KCNH7: variants seen among roughly 807,000 people sequenced by gnomAD.
KCNH7 encodes potassium voltage-gated channel subfamily H member 7.
A neutral mutation model predicts 120.8 loss-of-function variants in KCNH7; 49 were observed. The ratio of observed to expected loss-of-function variants is 0.41; its 90% CI spans 0.32 to 0.51. The LOEUF is 0.51. Among genes scored for constraint, KCNH7 ranks in the 20% least tolerant of loss-of-function variants. The probability of loss-of-function intolerance (pLI) is 0.38; values close to 1 mark genes in which losing one functional copy is unlikely to be tolerated. For missense variants in KCNH7, 1,097 were observed against 1,446.6 expected (o/e 0.76, Z 3.92); for synonymous variants, 547 against 516.1 (o/e 1.06, Z -0.81).
At chr2:162,676,258 T>C (rs546849734) in intron 2 of KCNH7, among the ~76,000 whole-genome samples, 1 of 151,616 alleles carries the variant, frequency 6.6e-6, no homozygotes, top group East Asian at 1.9e-4. Flanking sequence ...AGCATGTTAG[T>C]ATATAAAAAA....
chr2:162,609,506 T>C (rs1403034671), intron 2 of KCNH7, among the ~76,000 whole-genome samples: 2 of 152,168 alleles, frequency 1.3e-5, no homozygotes, highest in African/African-American at 4.8e-5. Flanking sequence ...GTCACAGAAC[T>C]CATGTCCAGG....
At chr2:162,419,974 A>C (rs1455404454) in intron 9 of KCNH7, among the ~76,000 whole-genome samples, 1 of 152,142 alleles carries the variant, frequency 6.6e-6, no homozygotes, top group Non-Finnish European at 1.5e-5. Flanking sequence ...ATATCTCTTC[A>C]CTCCTAACTA....
chr2:162,630,638 A>G (rs1487015788), intron 2 of KCNH7, among the ~76,000 whole-genome samples: 1 of 152,148 alleles, frequency 6.6e-6, no homozygotes, highest in African/African-American at 2.4e-5. Context: ...AGTACCAAGT[A>G]TCCTTTTTGA....
intron 2 of KCNH7, among the ~76,000 whole-genome samples, chr2:162,557,041 A>G (rs923136756): frequency 6.6e-5 from 10 of 152,208 alleles, no homozygotes; most frequent in African/African-American, 1.9e-4. Context: ...CAAAGCAACA[A>G]TTTGTGATTA....
intron 2 of KCNH7, among the ~76,000 whole-genome samples, chr2:162,774,813 G>A (rs1319728720): frequency 1.3e-5 from 2 of 152,062 alleles, no homozygotes; most frequent in African/African-American, 4.8e-5. Context: ...GTTTACGAAT[G>A]TGTATGCATC....
chr2:162,410,674 G>A (rs986309227), intron 9 of KCNH7, among the ~76,000 whole-genome samples: 1 of 151,842 alleles, frequency 6.6e-6, no homozygotes, highest in Non-Finnish European at 1.5e-5. Flanking sequence ...CTACAGAATG[G>A]GAGAAAATAT....
intron 8 of KCNH7, among the ~76,000 whole-genome samples, chr2:162,423,882 C>T (rs894592578): frequency 1.4e-4 from 22 of 152,180 alleles, no homozygotes; most frequent in African/African-American, 5.1e-4. Context: ...ACCATAAATA[C>T]ATTTTCTTGA....
intron 2 of KCNH7, among the ~76,000 whole-genome samples, chr2:162,677,327 G>A (rs1685561127): frequency 6.6e-6 from 1 of 151,396 alleles, no homozygotes; most frequent in Non-Finnish European, 1.5e-5. Flanking sequence ...ACATAACCTA[G>A]TGAATTTTTT....
chr2:162,691,842 AATG>A (rs1312740264), intron 2 of KCNH7, among the ~76,000 whole-genome samples: 1 of 152,192 alleles, frequency 6.6e-6, no homozygotes. Flanking sequence ...TTAATTTTTA[AATG>A]ATGATATCAA....
At chr2:162,712,702 T>TTA (rs1686969199) in intron 2 of KCNH7, among the ~76,000 whole-genome samples, 1 of 152,162 alleles carries the variant, frequency 6.6e-6, no homozygotes, top group Non-Finnish European at 1.5e-5. Context: ...TTTAATACTG[T>TTA]TATTTTAGCA....
At chr2:162,576,553 G>T (rs10930057) in intron 2 of KCNH7, among the ~76,000 whole-genome samples, 96,601 of 151,902 alleles carry the variant, frequency 0.64, 32,286 homozygotes, top group African/African-American at 0.84. Flanking sequence ...CTTAACATTT[G>T]CTCTCATTTA....
At chr2:162,388,385 T>C (rs1247056540) in intron 12 of KCNH7, among the ~76,000 whole-genome samples, 1 of 151,370 alleles carries the variant, frequency 6.6e-6, no homozygotes, top group Non-Finnish European at 1.5e-5. Flanking sequence ...CACACAGAGT[T>C]AACTATGTGA....
intron 2 of KCNH7, among the ~76,000 whole-genome samples, chr2:162,770,720 G>A (rs770923268): frequency 6.6e-6 from 1 of 151,982 alleles, no homozygotes; most frequent in East Asian, 1.9e-4. Context: ...TTCCTCTTAT[G>A]TTCTTGTGTA....
At chr2:162,778,870 T>C (rs1465641974) in intron 2 of KCNH7, among the ~76,000 whole-genome samples, 1 of 152,140 alleles carries the variant, frequency 6.6e-6, no homozygotes, top group African/African-American at 2.4e-5. Flanking sequence ...AATTTATTCA[T>C]TGAGTTATAC....
intron 2 of KCNH7, among the ~76,000 whole-genome samples, chr2:162,739,295 A>ATTT (rs1456249760): frequency 1.3e-5 from 2 of 152,120 alleles, no homozygotes; most frequent in Non-Finnish European, 2.9e-5. Context: ...TTCCTGCTAA[A>ATTT]TGGCCAAGGA....
chr2:162,677,535 C>T (rs1450170555), intron 2 of KCNH7, among the ~76,000 whole-genome samples: 1 of 151,410 alleles, frequency 6.6e-6, no homozygotes, highest in African/African-American at 2.4e-5. Context: ...ATTCTTATTG[C>T]CATATAATAT....
intron 2 of KCNH7, among the ~76,000 whole-genome samples, chr2:162,835,529 T>C (rs1221561041): frequency 1.5e-4 from 23 of 151,984 alleles, no homozygotes; most frequent in Admixed American, 1.5e-3. Context: ...TAGATGATGA[T>C]GAAATATCAA....
At chr2:162,785,960 G>A (rs115577348) in intron 2 of KCNH7, among the ~76,000 whole-genome samples, 1,779 of 152,120 alleles carry the variant, frequency 0.012, 38 homozygotes, top group African/African-American at 0.04. Flanking sequence ...CTAGTAGTAT[G>A]GGCTGGGCGC....
At chr2:162,578,142 A>C (rs1423928007) in intron 2 of KCNH7, among the ~76,000 whole-genome samples, 2 of 151,998 alleles carry the variant, frequency 1.3e-5, no homozygotes, top group African/African-American at 4.8e-5. Flanking sequence ...GTGATTTGGG[A>C]TGTTTTACAC....
Sources: allele counts gnomAD v4.1 joint callset (sites outside exome capture counted in the v4.1 genomes callset), GRCh38; gene constraint gnomAD v4.1.1; transcripts MANE v1.5; gene names NCBI Gene and HGNC (gene_info 2026-07-23, HGNC 2026-07-21).